The following ARK2C variants were observed in gnomAD, a reference collection of about 807,000 sequenced individuals.
The protein encoded by ARK2C is arkadia (RNF111) C-terminal like ring finger ubiquitin ligase 2C.
At chr18:46,436,652 A>G in the ARK2C span, among the ~76,000 whole-genome samples, 6 of 152,208 alleles carry the variant, frequency 3.9e-5, no homozygotes, top group Non-Finnish European at 7.3e-5. Context: ...TTCTAGGTGC[A>G]GGAAGTCGTG....
the ARK2C span, among the ~76,000 whole-genome samples, chr18:46,381,139 G>A: frequency 6.6e-6 from 1 of 152,212 alleles, no homozygotes; most frequent in Non-Finnish European, 1.5e-5. Context: ...GGAGTGAGAC[G>A]GCAACGCTGT....
the ARK2C span, among the ~76,000 whole-genome samples, chr18:46,387,520 C>A: frequency 6.6e-6 from 1 of 152,356 alleles, no homozygotes; most frequent in African/African-American, 2.4e-5. Flanking sequence ...TGCCAAATTC[C>A]CCTCCAGGCT....
chr18:46,391,182 CA>C, the ARK2C span, among the ~76,000 whole-genome samples: 2 of 152,204 alleles, frequency 1.3e-5, no homozygotes, highest in African/African-American at 4.8e-5. Flanking sequence ...TTACAGTTTA[CA>C]GGTCACAGAG....
chr18:46,396,916 T>A, the ARK2C span, among the ~76,000 whole-genome samples: 3 of 152,228 alleles, frequency 2.0e-5, no homozygotes, highest in Non-Finnish European at 2.9e-5. Flanking sequence ...TTCAGTCACA[T>A]CCAGCTGTGC....
chr18:46,450,428 G>A, the ARK2C span: 8 of 1,475,246 alleles, frequency 5.4e-6, no homozygotes, highest in Non-Finnish European at 7.6e-6. Context: ...GTACCAACTG[G>A]GTTGGTGGAG....
chr18:46,454,740 T>G, the ARK2C span, among the ~76,000 whole-genome samples: 2 of 152,234 alleles, frequency 1.3e-5, no homozygotes, highest in African/African-American at 4.8e-5. Flanking sequence ...GATCTTGAAG[T>G]CAGCCTGTCT....
chr18:46,354,843 A>G, the ARK2C span, among the ~76,000 whole-genome samples: 68 of 152,228 alleles, frequency 4.5e-4, no homozygotes, highest in African/African-American at 1.5e-3. Context: ...TTTGGGGCCT[A>G]TAAGTAAATC....
At chr18:46,421,801 T>TC in the ARK2C span, among the ~76,000 whole-genome samples, 1 of 152,108 alleles carries the variant, frequency 6.6e-6, no homozygotes, top group Non-Finnish European at 1.5e-5. Context: ...GGATGCAAAG[T>TC]CCCCTCCCAT....
the ARK2C span, among the ~76,000 whole-genome samples, chr18:46,396,761 C>T: frequency 2.6e-5 from 4 of 152,292 alleles, no homozygotes; most frequent in African/African-American, 9.6e-5. Flanking sequence ...CTTCATGGTG[C>T]TGGCCATGTG....
At chr18:46,422,090 A>T in the ARK2C span, among the ~76,000 whole-genome samples, 2 of 152,124 alleles carry the variant, frequency 1.3e-5, no homozygotes, top group East Asian at 3.9e-4. Context: ...AAACTGATAC[A>T]CCTGGAGTAC....
the ARK2C span, among the ~76,000 whole-genome samples, chr18:46,420,160 C>T: frequency 6.6e-6 from 1 of 152,182 alleles, no homozygotes; most frequent in Non-Finnish European, 1.5e-5. Context: ...GAAATCCCAC[C>T]ATTAGAACTT....
chr18:46,407,895 A>G, the ARK2C span, among the ~76,000 whole-genome samples: 1 of 152,232 alleles, frequency 6.6e-6, no homozygotes, highest in Non-Finnish European at 1.5e-5. Flanking sequence ...CATACTGAGA[A>G]GCACAGAGAT....
At chr18:46,370,305 C>G in the ARK2C span, among the ~76,000 whole-genome samples, 584 of 152,256 alleles carry the variant, frequency 3.8e-3, 6 homozygotes, top group African/African-American at 0.013. Flanking sequence ...AAAACTGAAG[C>G]CTTGAAGGGA....
At chr18:46,451,743 T>G in the ARK2C span, among the ~76,000 whole-genome samples, 1 of 152,208 alleles carries the variant, frequency 6.6e-6, no homozygotes, top group Non-Finnish European at 1.5e-5. Context: ...AGTTTGAGGC[T>G]GCAGTGAGCT....
chr18:46,416,330 A>G, the ARK2C span, among the ~76,000 whole-genome samples: 1 of 152,190 alleles, frequency 6.6e-6, no homozygotes, highest in East Asian at 1.9e-4. Context: ...CTGGCTCATG[A>G]TAAGGAAGCC....
At chr18:46,417,343 G>T in the ARK2C span, among the ~76,000 whole-genome samples, 1 of 152,188 alleles carries the variant, frequency 6.6e-6, no homozygotes, top group South Asian at 2.1e-4. Flanking sequence ...GTAATGACCA[G>T]TGAGGTCCTG....
At chr18:46,382,178 G>A in the ARK2C span, among the ~76,000 whole-genome samples, 1 of 152,202 alleles carries the variant, frequency 6.6e-6, no homozygotes, top group Non-Finnish European at 1.5e-5. Flanking sequence ...TTGGTTGTTG[G>A]TAACACCCAT....
the ARK2C span, among the ~76,000 whole-genome samples, chr18:46,359,305 A>G: frequency 4.6e-5 from 7 of 152,120 alleles, no homozygotes; most frequent in African/African-American, 1.4e-4. Flanking sequence ...GCAGTTCACA[A>G]AACGATGAAC....
At chr18:46,346,432 C>G in the ARK2C span, among the ~76,000 whole-genome samples, 5 of 101,202 alleles carry the variant, frequency 4.9e-5, no homozygotes, top group African/African-American at 1.4e-4. Flanking sequence ...ACTAAGAGCT[C>G]CCTTGGGTTT....
Sources: gnomAD v4.1 joint callset for allele counts (sites outside exome capture counted in the v4.1 genomes callset) on GRCh38, gnomAD v4.1.1 for gene constraint, MANE v1.5 for transcripts, NCBI Gene and HGNC (gene_info 2026-07-23, HGNC 2026-07-21) for gene names.